Variants in RPS29 observed in about 807,000 individuals in gnomAD.
The protein encoded by RPS29 is small ribosomal subunit protein uS14.
For synonymous variants in RPS29, 37 were observed against 26.9 expected, an observed-to-expected ratio of 1.37 and a Z score of -1.16; for missense variants, 60 against 75.7, an observed-to-expected ratio of 0.79 and a Z score of 0.77.
chr14:49,590,732 C>T (rs1048784274), upstream of RPS29, among the ~76,000 whole-genome samples: 1 of 151,482 alleles, frequency 6.6e-6, no homozygotes, highest in African/African-American at 2.4e-5. Context: ...ACTCTGTCAC[C>T]CAGGCTGGAG....
At chr14:49,582,603 G>A (rs1431978143), downstream of RPS29, among the ~76,000 whole-genome samples, 2 of 152,132 alleles carry the variant, frequency 1.3e-5, no homozygotes, top group East Asian at 3.8e-4. Flanking sequence ...TCTGCATCTG[G>A]CATACAGAAC....
At chr14:49,590,880 G>A (rs1446619674), upstream of RPS29, among the ~76,000 whole-genome samples, 4 of 151,956 alleles carry the variant, frequency 2.6e-5, no homozygotes, top group Non-Finnish European at 4.4e-5. Flanking sequence ...TAGTAAAGAC[G>A]GGGTTTTGCC....
chr14:49,586,165 G>A (rs1881543636), intron 1 of RPS29, 116 bp from the exon 2 acceptor site: 1 of 1,384,828 alleles, frequency 7.2e-7, no homozygotes, highest in Non-Finnish European at 1.0e-6. Flanking sequence ...TGTAATGGCG[G>A]CACCAGCGAC....
chr14:49,584,843 T>A (rs1881466617), intron 2 of RPS29, among the ~76,000 whole-genome samples: 1 of 151,818 alleles, frequency 6.6e-6, no homozygotes, highest in South Asian at 2.1e-4. Context: ...GTGATTTTTA[T>A]CTCAAAGAGC....
At chr14:49,590,284 T>C (rs1881683361), upstream of RPS29, among the ~76,000 whole-genome samples, 1 of 151,656 alleles carries the variant, frequency 6.6e-6, no homozygotes, top group Non-Finnish European at 1.5e-5. Flanking sequence ...TAGACCAACC[T>C]GGCCAATATG....
exon 3 of RPS29, chr14:49,575,654 C>T (rs886119393): frequency 5.9e-5 from 9 of 152,066 alleles, no homozygotes; most frequent in African/African-American, 1.9e-4. Context: ...CCAGACCAGC[C>T]TGAGCAACAT....
upstream of RPS29, among the ~76,000 whole-genome samples, chr14:49,591,019 C>A (rs1363110293): frequency 1.3e-5 from 2 of 151,952 alleles, no homozygotes; most frequent in Admixed American, 6.6e-5. Flanking sequence ...TAATTATTAA[C>A]CCTTCAAAAA....
exon 3 of RPS29, chr14:49,571,085 G>C (rs553995626): frequency 1.3e-5 from 2 of 152,324 alleles, no homozygotes; most frequent in Admixed American, 6.5e-5. Flanking sequence ...CTGTGCAGAT[G>C]AATGAGTACC....
intron 2 of RPS29, 114 bp downstream of exon 2, chr14:49,585,836 G>A: frequency 2.6e-6 from 2 of 764,366 alleles, no homozygotes; most frequent in South Asian, 1.6e-5. Flanking sequence ...GCTCTTGGTC[G>A]AATGCTCAGA....
In RPS29 at chr14:49,586,372, A is replaced by G. The variant is rs1293574950; in HGVS notation, c.-26T>C. ...CTTGCTCTCAGCAGTGCAACGAGGT[A>G]AAAGGAAGAAGCTGGCCCACGCATG... is the stretch of plus-strand genomic sequence containing the variant. On this transcript the variant is annotated 5_prime_UTR_variant, in exon 1 of 3. Transcript: ENST00000245458. 1.2e-6 allele frequency: 2 copies of G among 1,608,474 alleles called. No homozygotes were observed. The highest frequency in any genetic ancestry group is 2.2e-5 in the East Asian group (1 of 44,848).
exon 3 of RPS29, chr14:49,574,936 C>T (rs1444610935): frequency 6.6e-6 from 1 of 152,316 alleles, no homozygotes; most frequent in Non-Finnish European, 1.5e-5. Context: ...ACTCTTAGAA[C>T]AGGGTCCATT....
intron 1 of RPS29, among the ~76,000 whole-genome samples, chr14:49,594,282 A>C (rs1881775975): frequency 6.6e-6 from 1 of 152,116 alleles, no homozygotes; most frequent in African/African-American, 2.4e-5. Context: ...ATCCCGCTTA[A>C]AATTTTTCAA....
chr14:49,595,591 C>A (rs577170027), intron 1 of RPS29, among the ~76,000 whole-genome samples: 51 of 149,688 alleles, frequency 3.4e-4, no homozygotes, highest in African/African-American at 1.2e-3. Flanking sequence ...CTGGGTGAAA[C>A]CCTGTCTCCA....
intron 1 of RPS29, chr14:49,597,736 C>T (rs1881866253): frequency 6.6e-6 from 1 of 151,856 alleles, no homozygotes. Flanking sequence ...CTCTCGACCT[C>T]CCCAGGCTCA....
intron 1 of RPS29, 113 bp downstream of exon 1, chr14:49,586,172 C>T: frequency 4.3e-6 from 6 of 1,386,012 alleles, no homozygotes; most frequent in Non-Finnish European, 6.2e-6. Flanking sequence ...GCGGCACCAG[C>T]GACTCCCAGT....
upstream of RPS29, chr14:49,586,673 C>T (rs1881578024): frequency 3.0e-6 from 1 of 330,214 alleles, no homozygotes; most frequent in South Asian, 3.2e-5. Context: ...CTGTAGTGCG[C>T]TATGCCGATC....
At chr14:49,582,263 T>C (rs1566479104), downstream of RPS29, among the ~76,000 whole-genome samples, 1 of 152,148 alleles carries the variant, frequency 6.6e-6, no homozygotes, top group African/African-American at 2.4e-5. Flanking sequence ...ACCCCACCTC[T>C]ACAAAAGTAA....
chr14:49,583,037 G>C (rs12894785), downstream of RPS29, among the ~76,000 whole-genome samples: 104,562 of 152,010 alleles, frequency 0.69, 37,130 homozygotes, highest in Non-Finnish European at 0.74. Context: ...AAGAGACAAG[G>C]TCTCAGTATG....
chr14:49,598,525 GC>G (rs1881891478), exon 1 of RPS29: 2 of 702,260 alleles, frequency 2.8e-6, no homozygotes, highest in South Asian at 3.0e-5. Flanking sequence ...GCCCGTCCGC[GC>G]CGGGAAATGC....
Sources: allele counts gnomAD v4.1 joint callset (sites outside exome capture counted in the v4.1 genomes callset), GRCh38; gene constraint gnomAD v4.1.1; transcripts MANE v1.5; gene names NCBI Gene and HGNC (gene_info 2026-07-23, HGNC 2026-07-21).